EYS: variants seen among roughly 807,000 people sequenced by gnomAD.
EYS encodes EGF-like photoreceptor maintenance factor, also known as protein eyes shut homolog.
A neutral mutation model predicts 282.1 loss-of-function variants in EYS; 250 were observed. The ratio of observed to expected loss-of-function variants is 0.89; its 90% CI spans 0.80 to 0.98. The LOEUF is 0.98. Ranked by LOEUF, EYS falls within the 50% of genes least tolerant of loss-of-function variation. The probability of loss-of-function intolerance (pLI) is 0.00; values close to 1 mark genes in which losing one functional copy is unlikely to be tolerated. For synonymous variants in EYS, 1,355 were observed against 1,282.9 expected (o/e 1.06, Z -1.20); for missense variants, 4,016 against 3,709.0 (o/e 1.08, Z -2.15).
chr6:65,668,103 C>CT (rs1654090574), intron 1 of EYS, among the ~76,000 whole-genome samples: 1 of 151,798 alleles, frequency 6.6e-6, no homozygotes, highest in African/African-American at 2.4e-5. Flanking sequence ...TTGGCTCTTT[C>CT]TTTAGATCCC....
intron 31 of EYS, among the ~76,000 whole-genome samples, chr6:64,209,737 C>A (rs960713660): frequency 6.6e-6 from 1 of 152,056 alleles, no homozygotes; most frequent in Admixed American, 6.6e-5. Flanking sequence ...ACTAGTTTCT[C>A]TTTCTGCCTT....
At chr6:65,518,807 A>T (rs187352313) in intron 2 of EYS, among the ~76,000 whole-genome samples, 9 of 152,248 alleles carry the variant, frequency 5.9e-5, no homozygotes, top group East Asian at 1.9e-4. Flanking sequence ...AAGGTGTAGC[A>T]AAATCAGGTC....
chr6:65,384,235 T>G, intron 8 of EYS, 151 bp downstream of exon 8: 1 of 597,656 alleles, frequency 1.7e-6, no homozygotes, highest in Non-Finnish European at 3.0e-6. Flanking sequence ...TTAAAACCCC[T>G]ATTGCTAAGC....
At chr6:64,718,767 G>A (rs1771478398) in intron 22 of EYS, among the ~76,000 whole-genome samples, 1 of 152,170 alleles carries the variant, frequency 6.6e-6, no homozygotes, top group Non-Finnish European at 1.5e-5. Context: ...TAAAATACGT[G>A]TGGCGCATTT....
chr6:65,201,173 G>A (rs1187816828), intron 12 of EYS, among the ~76,000 whole-genome samples: 1 of 152,082 alleles, frequency 6.6e-6, no homozygotes, highest in Non-Finnish European at 1.5e-5. Context: ...TGCTATGAAA[G>A]GTGCACATAA....
Position 63,789,052 on chromosome 6 carries a change from CT to C in EYS, c.7578+5del. 1 of 1,551,124 alleles carries C rather than the reference CT, an allele frequency of 6.4e-7. No homozygotes were observed. The highest frequency in any genetic ancestry group is 1.2e-5 in the South Asian group (1 of 83,998). On this transcript the variant is annotated splice_donor_5th_base_variant and intron_variant, in intron 38 of 42. Transcript: ENST00000503581. The stretch of plus-strand genomic sequence containing the variant: ...TTGTGGAAGTGACGAAGGAATGACT[CT>C]TTACCTTCAGCCAGCCCTCTTGGAA...
At chr6:64,941,746 T>TA (rs1352372113) in intron 15 of EYS, among the ~76,000 whole-genome samples, 1 of 152,114 alleles carries the variant, frequency 6.6e-6, no homozygotes, top group African/African-American at 2.4e-5. Context: ...TCACCTAGAA[T>TA]AATGGCCTCA....
intron 35 of EYS, among the ~76,000 whole-genome samples, chr6:63,905,054 C>A (rs929715758): frequency 6.6e-6 from 1 of 152,230 alleles, no homozygotes; most frequent in African/African-American, 2.4e-5. Context: ...AGTCACTCGT[C>A]ATTTCCTGCT....
intron 26 of EYS, among the ~76,000 whole-genome samples, chr6:64,469,055 C>T (rs1211050396): frequency 2.0e-5 from 3 of 152,128 alleles, no homozygotes; most frequent in African/African-American, 7.2e-5. Context: ...GTTTTAAGTT[C>T]TTTGAGAAAT....
intron 31 of EYS, among the ~76,000 whole-genome samples, chr6:64,186,517 A>T (rs1033075382): frequency 7.2e-5 from 11 of 152,150 alleles, no homozygotes; most frequent in African/African-American, 2.7e-4. Context: ...TTCAGATAAC[A>T]CTTTCTATGC....
intron 22 of EYS, among the ~76,000 whole-genome samples, chr6:64,803,500 C>G (rs929506319): frequency 2.6e-5 from 4 of 152,160 alleles, no homozygotes; most frequent in South Asian, 4.1e-4. Context: ...GAACTGACAG[C>G]CTGGCCCCAT....
At chr6:64,318,583 C>T (rs1183259009) in intron 29 of EYS, among the ~76,000 whole-genome samples, 1 of 151,714 alleles carries the variant, frequency 6.6e-6, no homozygotes, top group East Asian at 1.9e-4. Context: ...TGTTTTTATC[C>T]TCTTGACATA....
intron 33 of EYS, among the ~76,000 whole-genome samples, chr6:64,051,359 T>G (rs1770804617): frequency 6.6e-6 from 1 of 152,078 alleles, no homozygotes; most frequent in African/African-American, 2.4e-5. Context: ...GTGTCCTTTC[T>G]TTTTTTCTTA....
Position 65,055,996 on chromosome 6 carries a change from A to G in EYS, c.2137+1618T>C, listed in dbSNP as rs78255571. Among the ~76,000 whole-genome samples, 1,659 of 152,190 alleles carry G rather than the reference A, an allele frequency of 0.011. 87 individuals carry two copies. In the East Asian group the frequency reaches 0.16, roughly 15 times the overall value. ...GGGATGGGGAGTTTTGTTCCACTTC[A>G]TTAAGTTCAAAGTACCTACATAAAT... On this transcript the variant is annotated intron_variant, in intron 13 of 42. Transcript: ENST00000503581.
chr6:64,755,495 CAT>C (rs1290778072), intron 22 of EYS, among the ~76,000 whole-genome samples: 11 of 43,058 alleles, frequency 2.6e-4, no homozygotes, highest in South Asian at 9.3e-4. Flanking sequence ...TGAGAACATA[CAT>C]ACACACACAC....
chr6:64,653,090 C>T (rs1318438652), intron 22 of EYS, among the ~76,000 whole-genome samples: 1 of 106,040 alleles, frequency 9.4e-6, no homozygotes, highest in African/African-American at 4.0e-5. Context: ...TGCAATCTGA[C>T]TGGTATCCCT....
chr6:65,661,648 T>A lies in EYS; in HGVS notation c.-447-21756A>T, dbSNP rs1040495523. On this transcript the variant is annotated intron_variant, in intron 1 of 42. Coordinates refer to ENST00000503581, the MANE Select transcript of EYS (RefSeq NM_001142800.2). Reference sequence around the variant, plus strand: ...ATTTAGTTACAGACATATTGCTATGTGAACAGAAAGGAGGATAAGGCAAAT... The same window carrying A: ...ATTTAGTTACAGACATATTGCTATGAGAACAGAAAGGAGGATAAGGCAAAT... 2.0e-5 allele frequency among the ~76,000 whole-genome samples: 3 copies of A among 152,178 alleles called. No homozygotes were observed. The South Asian group carries it at 6.2e-4, about 31-fold the overall frequency.
chr6:65,274,722 C>G (rs991432497), intron 12 of EYS, among the ~76,000 whole-genome samples: 1 of 152,082 alleles, frequency 6.6e-6, no homozygotes, highest in South Asian at 2.1e-4. Flanking sequence ...ACCAAGTGAG[C>G]AAGAAGTAGC....
intron 5 of EYS, among the ~76,000 whole-genome samples, chr6:65,416,125 G>A (rs1767224136): frequency 6.6e-6 from 1 of 151,874 alleles, no homozygotes; most frequent in Non-Finnish European, 1.5e-5. Context: ...AGGCTCAATA[G>A]TCTTTGTTGT....
Sources: gnomAD v4.1 joint callset for allele counts (sites outside exome capture counted in the v4.1 genomes callset) on GRCh38, gnomAD v4.1.1 for gene constraint, MANE v1.5 for transcripts, NCBI Gene and HGNC (gene_info 2026-07-23, HGNC 2026-07-21) for gene names.